Variants in MBTD1 observed in about 807,000 individuals in gnomAD.
MBTD1 encodes MBT domain-containing protein 1.
Under a neutral mutation model 87.8 loss-of-function variants are expected in MBTD1, and 24 were observed. The ratio of observed to expected loss-of-function variants is 0.27; its 90% CI spans 0.20 to 0.38. MBTD1 has a LOEUF of 0.38. MBTD1 is among the 10% of genes least tolerant of loss of function. The pLI, the probability that MBTD1 is intolerant of heterozygous loss-of-function variation, is 1.00. For synonymous variants in MBTD1, 237 were observed against 248.6 expected (o/e 0.95, Z 0.44); for missense variants, 436 against 760.2 (o/e 0.57, Z 5.02).
intron 12 of MBTD1, among the ~76,000 whole-genome samples, chr17:51,200,581 A>AAT (rs2051408038): frequency 6.9e-6 from 1 of 144,366 alleles, no homozygotes; most frequent in African/African-American, 2.6e-5. Flanking sequence ...AAAAAAAAAA[A>AAT]TGCCACGTAC....
chr17:51,232,953 G>A (rs1354816074), intron 2 of MBTD1, among the ~76,000 whole-genome samples: 1 of 150,148 alleles, frequency 6.7e-6, no homozygotes, highest in Non-Finnish European at 1.5e-5. Context: ...TCAGGAGGCT[G>A]AGATGAGAGG....
At chr17:51,181,453 G>A (rs1442350712) in intron 16 of MBTD1, among the ~76,000 whole-genome samples, 1 of 152,132 alleles carries the variant, frequency 6.6e-6, no homozygotes, top group Non-Finnish European at 1.5e-5. Context: ...AATCTGGGCT[G>A]GATGTGGTAG....
intron 3 of MBTD1, among the ~76,000 whole-genome samples, chr17:51,223,095 C>T (rs1192737596): frequency 6.6e-6 from 1 of 152,050 alleles, no homozygotes; most frequent in Non-Finnish European, 1.5e-5. Flanking sequence ...TGAGCCACCG[C>T]ACCTGGCCAC....
intron 3 of MBTD1, among the ~76,000 whole-genome samples, chr17:51,222,387 G>A (rs778208619): frequency 1.3e-5 from 2 of 151,772 alleles, no homozygotes; most frequent in African/African-American, 2.4e-5. Context: ...TAGAAGACAC[G>A]GGTAGTTTTT....
chr17:51,196,783 T>C (rs2051132204), intron 12 of MBTD1, among the ~76,000 whole-genome samples: 1 of 151,058 alleles, frequency 6.6e-6, no homozygotes, highest in Admixed American at 6.6e-5. Flanking sequence ...CCCAGCTACT[T>C]AGGAGGCTGA....
At chr17:51,216,718 A>T (rs1224105325) in intron 6 of MBTD1, among the ~76,000 whole-genome samples, 1 of 152,218 alleles carries the variant, frequency 6.6e-6, no homozygotes, top group Non-Finnish European at 1.5e-5. Flanking sequence ...GTCAATATGC[A>T]TATTTTTGAT....
In MBTD1 at chr17:51,224,889, G is replaced by A. The variant is rs188534937; in HGVS notation, c.154+119C>T. 430 of 536,336 alleles carry A rather than the reference G, an allele frequency of 8.0e-4. 7 individuals carry two copies. In the East Asian group the frequency reaches 0.012, roughly 15 times the overall value. The allele number at this position is 536,336 out of a possible 1,614,324, so 33.2% of individuals were successfully genotyped here. ...AGTGATCTTATCTCGAATTATAAAC[G>A]TCAGCTCTTCAAACTGCCCCTTAAT... On this transcript the variant is annotated intron_variant, in intron 3 of 16. Transcript: ENST00000586178.
In MBTD1 at chr17:51,234,374, CAG is replaced by C. The variant is rs1265576287; in HGVS notation, c.-48-9167_-48-9166del. ...CACCACTGCACTCCAGCTTGGGCCACAGAGGAGAGACTTTGTCCCCGTCTCCA... is the reference window on the plus strand; with the variant it reads ...CACCACTGCACTCCAGCTTGGGCCACAGGAGAGACTTTGTCCCCGTCTCCA... On this transcript the variant is annotated intron_variant, in intron 2 of 16. Coordinates refer to ENST00000586178, the MANE Select transcript of MBTD1 (RefSeq NM_017643.3). Among the ~76,000 whole-genome samples the C allele has an allele frequency of 5.0e-5, 6 of 119,122 alleles. No individual in the cohort carries two copies. The Admixed American group carries it at 6.8e-4, about 14-fold the overall frequency. 78.1% of individuals were successfully genotyped at this position (119,122 alleles called of 152,430 possible). A position where few individuals can be genotyped will look rare whatever the true frequency, so the allele number is the denominator to read the frequency against.
intron 2 of MBTD1, among the ~76,000 whole-genome samples, chr17:51,253,491 TA>T (rs1473840315): frequency 1.3e-5 from 2 of 152,112 alleles, no homozygotes; most frequent in African/African-American, 4.8e-5. Flanking sequence ...ATATATAGTA[TA>T]ATAAAATATA....
intron 2 of MBTD1, among the ~76,000 whole-genome samples, chr17:51,252,721 G>A (rs2054861432): frequency 7.1e-6 from 1 of 140,548 alleles, no homozygotes; most frequent in South Asian, 2.5e-4. Flanking sequence ...GCGACAGAGT[G>A]AGACTCTGTC....
intron 3 of MBTD1, 110 bp downstream of exon 3, chr17:51,224,898 T>G: frequency 4.9e-6 from 3 of 615,172 alleles, no homozygotes; most frequent in Non-Finnish European, 7.4e-6. Context: ...CGTCAGCTCT[T>G]CAAACTGCCC....
rs544160608 is a variant in MBTD1, at chr17:51,234,827, G to A, written c.-48-9618C>T. ...TCCTGCCTCAGCCTCCCAAGTAGCT[G>A]GGATTACAGGCATATACCACCACGC... On this transcript the variant is annotated intron_variant, in intron 2 of 16. Coordinates refer to ENST00000586178, the MANE Select transcript of MBTD1 (RefSeq NM_017643.3). 1.2e-4 allele frequency among the ~76,000 whole-genome samples: 18 copies of A among 152,284 alleles called. No homozygotes were observed. The South Asian group carries it at 3.3e-3, about 28-fold the overall frequency.
intron 2 of MBTD1, among the ~76,000 whole-genome samples, chr17:51,240,597 G>A (rs552237195): frequency 1.1e-4 from 17 of 152,250 alleles, no homozygotes; most frequent in African/African-American, 1.9e-4. Context: ...GCATTTCAAC[G>A]ATACACACTA....
chr17:51,225,084 A>C lies in MBTD1; in HGVS notation c.78T>G (p.Ala26=). The C allele has an allele frequency of 2.6e-6, 4 of 1,551,748 alleles. No homozygotes were observed. The highest frequency in any genetic ancestry group is 1.2e-5 in the South Asian group (1 of 84,036). Residue 26 remains alanine (A), a synonymous_variant, in exon 3 of 17, where the codon GCT becomes GCG. Coordinates refer to ENST00000586178, the MANE Select transcript of MBTD1 (RefSeq NM_017643.3). ...SSSEESEEEV[A]PLPSNLPIIK... is the part of the protein sequence containing the mutation. ...TAATCGGGAGATTAGAAGGTAAAGG[A>C]GCGACTTCTTCCTCACTCTCTTCGG...
intron 2 of MBTD1, among the ~76,000 whole-genome samples, chr17:51,226,192 AC>A (rs201096030): frequency 0.026 from 3,940 of 149,850 alleles, 71 homozygotes; most frequent in Middle Eastern, 0.045. Context: ...ACACAAAAAA[AC>A]AAAACAAAAC....
At chr17:51,201,767 G>A (rs1598319779) in intron 11 of MBTD1, 71 bp from the exon 12 acceptor site, 1 of 1,100,216 alleles carries the variant, frequency 9.1e-7, no homozygotes. Context: ...TATTACCAAT[G>A]TGAAAAGATT....
intron 16 of MBTD1, chr17:51,183,168 T>TTC (rs952700793): frequency 9.5e-5 from 4 of 42,196 alleles, no homozygotes; most frequent in Admixed American, 2.7e-4. Context: ...AGAATAATCT[T>TTC]TTTTTTTTTT....
chr17:51,188,817 T>A (rs1241872191), intron 16 of MBTD1, among the ~76,000 whole-genome samples: 1 of 144,856 alleles, frequency 6.9e-6, no homozygotes, highest in African/African-American at 2.6e-5. Context: ...TGGAGTGCAA[T>A]GGCGCGATCT....
intron 2 of MBTD1, among the ~76,000 whole-genome samples, chr17:51,238,910 G>A (rs1407300975): frequency 6.6e-6 from 1 of 152,074 alleles, no homozygotes; most frequent in African/African-American, 2.4e-5. Context: ...GACCAGCCTG[G>A]CTAACATGGT....
Sources: allele counts gnomAD v4.1 joint callset (sites outside exome capture counted in the v4.1 genomes callset), GRCh38; gene constraint gnomAD v4.1.1; transcripts MANE v1.5; gene names NCBI Gene and HGNC (gene_info 2026-07-23, HGNC 2026-07-21).